The following HEATR5B variants were observed in gnomAD, a reference collection of about 807,000 sequenced individuals.
The protein encoded by HEATR5B is HEAT repeat containing 5B, also known as HEAT repeat-containing protein 5B.
A neutral mutation model predicts 224.1 loss-of-function variants in HEATR5B; 156 were observed. The ratio of observed to expected loss-of-function variants is 0.70; its 90% CI spans 0.61 to 0.80. The LOEUF is 0.80. Among genes scored for constraint, HEATR5B ranks in the 30% least tolerant of loss-of-function variants. The pLI, the probability that HEATR5B is intolerant of heterozygous loss-of-function variation, is 0.00. For missense variants in HEATR5B, 2,323 were observed against 2,535.5 expected, an observed-to-expected ratio of 0.92 and a Z score of 1.80; for synonymous variants, 1,027 against 893.0, an observed-to-expected ratio of 1.15 and a Z score of -2.68.
At position 37,077,013 on chromosome 2, in the gene HEATR5B, C is replaced by T. The variant is rs552922469; in HGVS notation, c.345G>A (p.Ala115=). 48 of 1,613,132 alleles carry T rather than the reference C, an allele frequency of 3.0e-5. No homozygotes were observed. In the South Asian group the frequency reaches 4.5e-4, roughly 15 times the overall value. ...TAAYLPTKLA[A]VACVGAFYEK... ...CATAAAATGCTCCGACACAAGCCAC[C>T]GCAGCCCTGTAAGAAGTGACAACTT... is the stretch of plus-strand genomic sequence containing the variant. Residue 115 remains alanine, a synonymous_variant, in exon 4 of 36, where the codon GCG becomes GCA. Coordinates refer to ENST00000233099, the MANE Select transcript of HEATR5B (RefSeq NM_019024.3).
intron 5 of HEATR5B, among the ~76,000 whole-genome samples, chr2:37,073,591 G>A (rs916110182): frequency 1.3e-5 from 2 of 152,122 alleles, no homozygotes; most frequent in African/African-American, 4.8e-5. Flanking sequence ...TATTTCCCCA[G>A]TCTTATTTGT....
At chr2:37,069,950 T>C (rs1049413738) in intron 7 of HEATR5B, among the ~76,000 whole-genome samples, 1 of 146,754 alleles carries the variant, frequency 6.8e-6, no homozygotes, top group Non-Finnish European at 1.5e-5. Flanking sequence ...CAGGTTGGAG[T>C]GCAGTGGCGC....
chr2:37,032,874 G>A, intron 21 of HEATR5B, 101 bp from the exon 22 acceptor site: 1 of 839,012 alleles, frequency 1.2e-6, no homozygotes, highest in Non-Finnish European at 1.7e-6. Context: ...ACATATATAT[G>A]TTTTGTTTTG....
At chr2:37,043,496 G>C (rs1291444771) in intron 18 of HEATR5B, among the ~76,000 whole-genome samples, 1 of 152,166 alleles carries the variant, frequency 6.6e-6, no homozygotes, top group Non-Finnish European at 1.5e-5. Context: ...AGCTTCACTA[G>C]AGAGTTCTTC....
intron 27 of HEATR5B, among the ~76,000 whole-genome samples, chr2:37,012,966 T>C (rs1667881355): frequency 6.6e-6 from 1 of 152,242 alleles, no homozygotes; most frequent in Non-Finnish European, 1.5e-5. Context: ...CATCTACTTG[T>C]TTACCAGTTT....
intron 18 of HEATR5B, among the ~76,000 whole-genome samples, chr2:37,044,635 C>T (rs1451391155): frequency 1.3e-5 from 2 of 152,172 alleles, no homozygotes; most frequent in Non-Finnish European, 2.9e-5. Context: ...AGAAGTGGAA[C>T]TGGTAGGCAA....
chr2:37,042,099 T>TA (rs940070770), intron 18 of HEATR5B, among the ~76,000 whole-genome samples: 1 of 152,066 alleles, frequency 6.6e-6, no homozygotes, highest in African/African-American at 2.4e-5. Flanking sequence ...AACATTACTT[T>TA]AAAAAATAAG....
intron 1 of HEATR5B, 75 bp from the exon 2 acceptor site, chr2:37,083,511 A>C: frequency 1.9e-4 from 209 of 1,092,706 alleles, no homozygotes; most frequent in Non-Finnish European, 2.5e-4. Context: ...GAATATACTC[A>C]CTAAGAAAAG....
chr2:36,998,005 C>T (rs1666842277), intron 33 of HEATR5B, among the ~76,000 whole-genome samples: 1 of 152,202 alleles, frequency 6.6e-6, no homozygotes. Flanking sequence ...TCTCAAACAG[C>T]TAACCAATGT....
chr2:37,065,760 G>T lies in HEATR5B; in HGVS notation c.1328C>A (p.Ser443Tyr), dbSNP rs756523857. Residue 443 changes from serine (S) to tyrosine (Y), a missense_variant, in exon 9 of 36, where the codon TCT becomes TAT. Physicochemically the swap from Ser to Tyr is moderately radical, Grantham distance 144. Around this residue, in one of 12 missense-constraint regions of HEATR5B, gnomAD observed 502 missense variants for 517.8 expected, o/e 0.97. Transcript: ENST00000233099. ...CAAGTAACTGAATGTCATACCTATA[G>T]ATGCTTCTTGAATAAGAGGGGATGC... Reference protein sequence around the residue: ...ATASPLIQEASIGLLEIVTSV... With the variant: ...ATASPLIQEAYIGLLEIVTSV... 8.1e-6 allele frequency: 13 copies of T among 1,612,936 alleles called. No individual in the cohort carries two copies. In the South Asian group the frequency reaches 1.4e-4, roughly 18 times the overall value.
At chr2:36,998,702 T>C (rs550380142) in intron 33 of HEATR5B, among the ~76,000 whole-genome samples, 3 of 152,316 alleles carry the variant, frequency 2.0e-5, no homozygotes, top group South Asian at 4.1e-4. Flanking sequence ...GGGAGTTAAA[T>C]GAGAGTTTTA....
chr2:37,059,018 G>T, intron 12 of HEATR5B, 31 bp from the exon 13 acceptor site: 1 of 1,380,278 alleles, frequency 7.2e-7, no homozygotes, highest in Non-Finnish European at 1.0e-6. Flanking sequence ...GACAGATTTG[G>T]AGTAGCTTTT....
Position 37,057,434 on chromosome 2 carries a change from C to T in HEATR5B, c.2106G>A (p.Leu702=). The change falls in exon 15 of 36, where the codon TTG becomes TTA. Residue 702 remains leucine (L), a synonymous_variant. Coordinates refer to ENST00000233099, the MANE Select transcript of HEATR5B (RefSeq NM_019024.3). ...TAGTTGTGTTGGCTGAGTTGTCAGT[C>T]AAAGTGAATTCCGCTACCAGTTCTC... ...LLRELVAEFT[L]TDNSANTTTS... 6.2e-7 allele frequency: 1 copy of T among 1,611,026 alleles called. No homozygotes were observed. The highest frequency in any genetic ancestry group is 8.5e-7 in the Non-Finnish European group (1 of 1,178,730).
intron 17 of HEATR5B, among the ~76,000 whole-genome samples, chr2:37,050,957 C>T (rs1670504127): frequency 1.3e-5 from 2 of 152,120 alleles, no homozygotes; most frequent in Non-Finnish European, 2.9e-5. Context: ...AGGAGAATCA[C>T]TTGAATCCGG....
chr2:36,995,602 G>C (rs1419888985), intron 33 of HEATR5B, among the ~76,000 whole-genome samples: 1 of 152,064 alleles, frequency 6.6e-6, no homozygotes, highest in Admixed American at 6.5e-5. Context: ...AAGAGTATAG[G>C]AGAGAAAGTA....
At chr2:37,047,778 T>C (rs918951920) in intron 18 of HEATR5B, among the ~76,000 whole-genome samples, 1 of 152,184 alleles carries the variant, frequency 6.6e-6, no homozygotes, top group Non-Finnish European at 1.5e-5. Flanking sequence ...AGTCAGATAT[T>C]ATATCAGAAG....
At chr2:36,998,880 G>C (rs1003671058) in intron 33 of HEATR5B, among the ~76,000 whole-genome samples, 41 of 151,828 alleles carry the variant, frequency 2.7e-4, no homozygotes, top group African/African-American at 9.2e-4. Flanking sequence ...TACTCATATA[G>C]AAAACATACT....
intron 10 of HEATR5B, among the ~76,000 whole-genome samples, chr2:37,062,959 A>T (rs537269368): frequency 1.3e-5 from 2 of 152,232 alleles, no homozygotes; most frequent in Admixed American, 6.5e-5. Flanking sequence ...GGAAAATTTT[A>T]AAAATTTCAT....
At chr2:36,996,509 T>C (rs1666723133) in intron 33 of HEATR5B, among the ~76,000 whole-genome samples, 1 of 151,458 alleles carries the variant, frequency 6.6e-6, no homozygotes, top group African/African-American at 2.4e-5. Context: ...CTCTGCCTCC[T>C]GAGTTCAAGC....
Sources: allele counts gnomAD v4.1 joint callset (sites outside exome capture counted in the v4.1 genomes callset), GRCh38; gene constraint gnomAD v4.1.1; regional missense constraint gnomAD v4.1.1; transcripts MANE v1.5; gene names NCBI Gene and HGNC (gene_info 2026-07-23, HGNC 2026-07-21).